The following ZIK1 variants were observed in gnomAD, a reference collection of about 807,000 sequenced individuals.
ZIK1 encodes zinc finger protein interacting with K protein 1.
ZIK1 carries 12 observed loss-of-function variants against 10.7 expected under a neutral mutation model. The ratio of observed to expected loss-of-function variants is 1.12; its 90% CI spans 0.72 to 1.81. ZIK1 has a LOEUF of 1.81. Among genes scored for constraint, ZIK1 ranks in the 40% most tolerant of loss-of-function variants. The pLI, the probability that ZIK1 is intolerant of heterozygous loss-of-function variation, is 0.00. For synonymous variants in ZIK1, 190 were observed against 205.0 expected, an observed-to-expected ratio of 0.93 and a Z score of 0.63; for missense variants, 497 against 585.7, an observed-to-expected ratio of 0.85 and a Z score of 1.56.
chr19:57,584,455 G>C (rs1317817447), intron 1 of ZIK1, 66 bp downstream of exon 1: 3 of 1,562,988 alleles, frequency 1.9e-6, no homozygotes, highest in Middle Eastern at 1.7e-4. Flanking sequence ...GGTCACTACG[G>C]TCGAGATCCT....
At chr19:57,586,120 CAGGTG>C (rs1194155865) in intron 2 of ZIK1, among the ~76,000 whole-genome samples, 1 of 152,124 alleles carries the variant, frequency 6.6e-6, no homozygotes, top group African/African-American at 2.4e-5. Context: ...ATGGAGACAT[CAGGTG>C]AGTAGCTGTC....
In ZIK1 at chr19:57,587,984, TC is replaced by T. The variant is rs372924915; in HGVS notation, c.73-554del. Among the ~76,000 whole-genome samples, 235 of 152,056 alleles carry T rather than the reference TC, an allele frequency of 1.5e-3. No homozygotes were observed. In the Middle Eastern group the frequency reaches 0.017, roughly 11 times the overall value. ...GGAGGACGGCCATCGGTGTCTGACATCAGGTGATTCTTGGTGGCTGAGGTTG... is the reference window on the plus strand; with the variant it reads ...GGAGGACGGCCATCGGTGTCTGACATAGGTGATTCTTGGTGGCTGAGGTTG... On this transcript the variant is annotated intron_variant, in intron 2 of 3. Transcript: ENST00000597850.
intron 2 of ZIK1, 33 bp from the exon 3 acceptor site, chr19:57,588,506 T>C: frequency 7.1e-7 from 1 of 1,402,428 alleles, no homozygotes; most frequent in Admixed American, 2.4e-5. Context: ...GTGGAGGCGT[T>C]GATTGTGGAG....
rs1483976685 is a variant in ZIK1, at chr19:57,590,475, C to T, written c.664C>T (p.His222Tyr). 6.2e-7 allele frequency: 1 copy of T among 1,614,124 alleles called. No homozygotes were observed. Among genetic ancestry groups the T allele is most frequent in the Non-Finnish European group, 8.5e-7 (1 of 1,180,022 alleles). Residue 222 changes from histidine (H) to tyrosine (Y), a missense_variant, in exon 4 of 4, where the codon CAC becomes TAC. Physicochemically the swap from His to Tyr is moderately conservative, Grantham distance 83 (BLOSUM62 2). Coordinates refer to ENST00000597850, the MANE Select transcript of ZIK1 (RefSeq NM_001010879.4). ...KSGECGKASR[H>Y]KHTPVYHPRV... The stretch of plus-strand genomic sequence containing the variant: ...AGGTGAATGTGGGAAGGCTTCCAGG[C>T]ACAAACACACTCCTGTTTACCATCC...
intron 2 of ZIK1, 92 bp from the exon 3 acceptor site, chr19:57,588,447 G>A: frequency 5.3e-6 from 7 of 1,310,498 alleles, no homozygotes; most frequent in Non-Finnish European, 6.0e-6. Flanking sequence ...TGTGTCACCA[G>A]GGCCTGTATT....
In ZIK1 at chr19:57,590,243, CT is replaced by C. The variant is rs1385647603; in HGVS notation, c.434del (p.Leu145Ter). 6.2e-6 allele frequency: 10 copies of C among 1,614,038 alleles called. No homozygotes were observed. The highest frequency in any genetic ancestry group is 8.5e-6 in the Non-Finnish European group (10 of 1,180,050). On this transcript the variant is annotated frameshift_variant, in exon 4 of 4. Transcript: ENST00000597850. LOFTEE classifies it low-confidence loss of function (END_TRUNC). The stretch of plus-strand genomic sequence containing the variant: ...AGAAGCATCACAGTGCAAAGAAATC[CT>C]TGAAGAGGGACATGGACAGAGCCTC... Reference protein sequence around the residue: ...HQKHHSAKKSLKRDMDRASYV... With the variant: ...HQKHHSAKKSXKRDMDRASYV...
intron 2 of ZIK1, among the ~76,000 whole-genome samples, chr19:57,587,349 T>C (rs1979258221): frequency 6.6e-6 from 1 of 152,142 alleles, no homozygotes; most frequent in African/African-American, 2.4e-5. Flanking sequence ...TGAGGCCAGG[T>C]ACAGTGGACT....
chr19:57,589,406 TC>T, intron 3 of ZIK1: 1 of 985,394 alleles, frequency 1.0e-6, no homozygotes, highest in Non-Finnish European at 1.2e-6. Context: ...TATATTTTCT[TC>T]TCAGTACTTG....
rs571250430 is a variant in ZIK1, at chr19:57,587,054, CAA to C, written c.73-1484_73-1483del. Among the ~76,000 whole-genome samples, 265 of 152,248 alleles carry C rather than the reference CAA, an allele frequency of 1.7e-3. 2 individuals carry two copies. The highest frequency in any genetic ancestry group is 4.8e-3 in the African/African-American group (199 of 41,546). ...AAGGCATGTCTTGCATGGCAGCAGA[CAA>C]GAGAGAACTTGTTCAGGGGAACTCC... is the stretch of plus-strand genomic sequence containing the variant. On this transcript the variant is annotated intron_variant, in intron 2 of 3. Coordinates refer to ENST00000597850, the MANE Select transcript of ZIK1 (RefSeq NM_001010879.4).
Position 57,584,165 on chromosome 19 carries a change from C to A in ZIK1, c.-192C>A. 9.0e-7 allele frequency: 1 copy of A among 1,109,578 alleles called. No homozygotes were observed. Among genetic ancestry groups the A allele is most frequent in the Non-Finnish European group, 1.2e-6 (1 of 809,470 alleles). The allele number at this position is 1,109,578 out of a possible 1,614,324, so 68.7% of individuals were successfully genotyped here. On this transcript the variant is annotated 5_prime_UTR_variant, in exon 1 of 4. Coordinates refer to ENST00000597850, the MANE Select transcript of ZIK1 (RefSeq NM_001010879.4). ...ACTTCAGTGGCGGTCATTTTTGCAG[C>A]GCTTGGGTGCATCCAGACCGTCAGA...
chr19:57,585,090 C>T, intron 2 of ZIK1, 100 bp downstream of exon 2: 1 of 1,098,604 alleles, frequency 9.1e-7, no homozygotes, highest in Admixed American at 2.6e-5. Context: ...CCTAAGGACT[C>T]TTCACAAACT....
At chr19:57,589,182 T>G in intron 3 of ZIK1, 1 of 820,848 alleles carries the variant, frequency 1.2e-6, no homozygotes, top group Non-Finnish European at 1.5e-6. Flanking sequence ...TGGTAGGACT[T>G]GGCTTCATGA....
intron 2 of ZIK1, among the ~76,000 whole-genome samples, chr19:57,587,467 G>A (rs987532459): frequency 6.6e-6 from 1 of 152,164 alleles, no homozygotes; most frequent in African/African-American, 2.4e-5. Flanking sequence ...CCTAATGAAT[G>A]GGATTAGTGA....
Position 57,591,037 on chromosome 19 carries a change from G to A in ZIK1, c.1226G>A (p.Cys409Tyr). Residue 409 changes from cysteine to tyrosine, a missense_variant, in exon 4 of 4, where the codon TGT becomes TAT. Transcript: ENST00000597850. ...RVHTGERPYK[C>Y]GDCGKSFSQS... ...CACACTGGAGAAAGGCCTTATAAGT[G>A]TGGTGACTGTGGGAAATCCTTTAGT... The A allele has an allele frequency of 6.2e-7, 1 of 1,614,136 alleles. No homozygotes were observed. Among genetic ancestry groups the A allele is most frequent in the Non-Finnish European group, 8.5e-7 (1 of 1,180,018 alleles).
chr19:57,591,014 C>A lies in ZIK1; in HGVS notation c.1203C>A (p.His401Gln). Reference sequence around the variant, plus strand: ...CCCTCATTAAACACCAGAGAGTTCACACTGGAGAAAGGCCTTATAAGTGTG... The same window carrying A: ...CCCTCATTAAACACCAGAGAGTTCAAACTGGAGAAAGGCCTTATAAGTGTG... The part of the protein sequence containing the change: ...KATLIKHQRV[H>Q]TGERPYKCGD... The change falls in exon 4 of 4, where the codon CAC becomes CAA. Residue 401 changes from histidine to glutamine, a missense_variant. Transcript: ENST00000597850. The A allele has an allele frequency of 6.2e-7, 1 of 1,614,132 alleles. No homozygotes were observed. The highest frequency in any genetic ancestry group is 2.2e-5 in the East Asian group (1 of 44,876).
rs1191077774 is a variant in ZIK1, at chr19:57,592,360, A to G, written c.*1085A>G. On this transcript the variant is annotated 3_prime_UTR_variant, in exon 4 of 4. Transcript: ENST00000597850. ...ATGTGCCTCTTATAAAAGTACATTT[A>G]CAAATCTTCCCGTGACTGTGGCTTT... 5 of 152,246 alleles carry G rather than the reference A, an allele frequency of 3.3e-5. No homozygotes were observed. The highest frequency in any genetic ancestry group is 7.3e-5 in the Non-Finnish European group (5 of 68,040). 9.4% of individuals were successfully genotyped at this position (152,246 alleles called of 1,614,324 possible).
At position 57,590,227 on chromosome 19, in the gene ZIK1, AC is replaced by A. The variant is rs771735137; in HGVS notation, c.417del (p.His139GlnfsTer7). 5.0e-6 allele frequency: 8 copies of A among 1,614,116 alleles called. No individual in the cohort carries two copies. In the East Asian group the frequency reaches 1.8e-4, roughly 36 times the overall value. On this transcript the variant is annotated frameshift_variant, in exon 4 of 4. Coordinates refer to ENST00000597850, the MANE Select transcript of ZIK1 (RefSeq NM_001010879.4). LOFTEE classifies it low-confidence loss of function (END_TRUNC). ...AACCATCACCAGCACCAGAAGCATC[AC>A]AGTGCAAAGAAATCCTTGAAGAGGG... Reference protein sequence around the residue: ...CTNHHQHQKHHSAKKSLKRDM... With the variant: ...CTNHHQHQKHXSAKKSLKRDM...
chr19:57,589,334 A>T (rs1599922339), intron 3 of ZIK1: 2 of 985,304 alleles, frequency 2.0e-6, no homozygotes, highest in African/African-American at 3.5e-5. Context: ...CCGATCACAT[A>T]AGGAGCCTGT....
In ZIK1 at chr19:57,584,278, G is replaced by A. The variant is rs1978923483; in HGVS notation, c.-79G>A. ...ACAGTGGGGGTTCTAAGGGTCGGCG[G>A]CGGCGGGGTTGACGGCTTTGCCTAG... is the stretch of plus-strand genomic sequence containing the variant. On this transcript the variant is annotated 5_prime_UTR_variant, in exon 1 of 4. Coordinates refer to ENST00000597850, the MANE Select transcript of ZIK1 (RefSeq NM_001010879.4). 6.6e-6 allele frequency: 10 copies of A among 1,522,240 alleles called. No homozygotes were observed. Among genetic ancestry groups the A allele is most frequent in the South Asian group, 6.1e-5 (5 of 82,402 alleles). 94.3% of individuals were successfully genotyped at this position (1,522,240 alleles called of 1,614,324 possible). A position where few individuals can be genotyped will look rare whatever the true frequency, so the allele number is the denominator to read the frequency against.
Sources: gnomAD v4.1 joint callset for allele counts (sites outside exome capture counted in the v4.1 genomes callset) on GRCh38, gnomAD v4.1.1 for gene constraint, MANE v1.5 for transcripts, NCBI Gene and HGNC (gene_info 2026-07-23, HGNC 2026-07-21) for gene names.